TRIP11: variants seen among roughly 807,000 people sequenced by gnomAD.
The protein encoded by TRIP11 is thyroid receptor-interacting protein 11.
TRIP11 carries 148 observed loss-of-function variants against 223.1 expected under a neutral mutation model. The ratio of observed to expected loss-of-function variants is 0.66; its 90% CI spans 0.58 to 0.76. The LOEUF (loss-of-function observed/expected upper bound fraction) is 0.76. Among genes scored for constraint, TRIP11 ranks in the 30% least tolerant of loss-of-function variants. TRIP11 has a pLI of 0.00. For missense variants in TRIP11, 2,043 were observed against 2,222.0 expected (o/e 0.92, Z 1.62); for synonymous variants, 762 against 772.6 (o/e 0.99, Z 0.23).
chr14:91,966,735 T>A lies in TRIP11; in HGVS notation c.*2938A>T, dbSNP rs1399883727. On this transcript the variant is annotated 3_prime_UTR_variant, in exon 21 of 21. Transcript: ENST00000267622. ...ATGACAGGAATGAAAATTCAAACAA[T>A]TTGATCCAGTATTATGCTAAAATTA... The A allele has an allele frequency of 4.8e-6, 1 of 209,824 alleles. No individual in the cohort carries two copies. The highest frequency in any genetic ancestry group is 9.7e-6 in the Non-Finnish European group (1 of 103,496). The allele number at this position is 209,824 out of a possible 1,614,324, so 13.0% of individuals were successfully genotyped here.
intron 3 of TRIP11, among the ~76,000 whole-genome samples, chr14:92,024,459 T>C (rs1038835533): frequency 1.3e-5 from 2 of 152,182 alleles, no homozygotes; most frequent in Admixed American, 6.5e-5. Context: ...TGTATTGTAT[T>C]TTATGAAATT....
chr14:92,020,543 G>A (rs542919730), intron 4 of TRIP11, among the ~76,000 whole-genome samples: 70 of 152,102 alleles, frequency 4.6e-4, no homozygotes, highest in African/African-American at 1.3e-3. Context: ...CTAAGCAAGC[G>A]GTTTCAAACA....
At chr14:91,974,334 A>G (rs974758674) in intron 19 of TRIP11, among the ~76,000 whole-genome samples, 23 of 152,216 alleles carry the variant, frequency 1.5e-4, no homozygotes, top group Non-Finnish European at 2.8e-4. Context: ...TCTTGCTACT[A>G]TAATTTAGTA....
intron 19 of TRIP11, among the ~76,000 whole-genome samples, chr14:91,973,742 A>G (rs1244978773): frequency 6.6e-6 from 1 of 152,098 alleles, no homozygotes; most frequent in African/African-American, 2.4e-5. Context: ...AAAAACTAAG[A>G]GAGGCCGGGC....
chr14:91,976,754 T>C (rs939165272), intron 16 of TRIP11, among the ~76,000 whole-genome samples: 3 of 152,154 alleles, frequency 2.0e-5, no homozygotes, highest in African/African-American at 7.2e-5. Context: ...CAAGATACTA[T>C]AGCTTATGAC....
At chr14:92,006,746 A>G (rs1202819389) in intron 10 of TRIP11, among the ~76,000 whole-genome samples, 1 of 151,378 alleles carries the variant, frequency 6.6e-6, no homozygotes, top group Non-Finnish European at 1.5e-5. Flanking sequence ...CTCCGCCTCC[A>G]CCTCTTGAAC....
intron 2 of TRIP11, among the ~76,000 whole-genome samples, chr14:92,027,110 CT>C (rs1273990851): frequency 6.6e-6 from 1 of 151,740 alleles, no homozygotes; most frequent in Non-Finnish European, 1.5e-5. Flanking sequence ...CAAGGCCCTG[CT>C]TTTTTTCTTA....
rs996266340 is a variant in TRIP11 at position 91,968,870 on chromosome 14, G to A, written c.*803C>T. The A allele has an allele frequency of 2.6e-5, 6 of 232,938 alleles. No homozygotes were observed. The highest frequency in any genetic ancestry group is 1.3e-4 in the African/African-American group (6 of 45,252). The allele number at this position is 232,938 out of a possible 1,614,324, so 14.4% of individuals were successfully genotyped here. On this transcript the variant is annotated 3_prime_UTR_variant, in exon 21 of 21. Coordinates refer to ENST00000267622, the MANE Select transcript of TRIP11 (RefSeq NM_004239.4). ...ATTAAGGAGAGGGCCAGGGAGAGAG[G>A]TGGCAATGATTATGAGAGGGCAACA...
At chr14:91,984,005 A>G (rs1442265156) in intron 16 of TRIP11, among the ~76,000 whole-genome samples, 1 of 152,162 alleles carries the variant, frequency 6.6e-6, no homozygotes, top group Non-Finnish European at 1.5e-5. Flanking sequence ...GACTCATTTT[A>G]TACATTCTTC....
intron 13 of TRIP11, 89 bp from the exon 14 acceptor site, chr14:91,995,604 T>C (rs1005670623): frequency 2.3e-6 from 3 of 1,312,450 alleles, no homozygotes; most frequent in Non-Finnish European, 3.1e-6. Flanking sequence ...CTTATTACTT[T>C]ATTTTATTTT....
intron 4 of TRIP11, among the ~76,000 whole-genome samples, chr14:92,021,166 G>A (rs754230028): frequency 8.6e-5 from 13 of 151,674 alleles, no homozygotes; most frequent in Non-Finnish European, 1.8e-4. Flanking sequence ...GCCGAGGTGG[G>A]CAGATCACCT....
chr14:91,987,302 T>G lies in TRIP11; in HGVS notation c.5260+982A>C, dbSNP rs534082413. On this transcript the variant is annotated intron_variant, in intron 16 of 20. Coordinates refer to ENST00000267622, the MANE Select transcript of TRIP11 (RefSeq NM_004239.4). Reference sequence around the variant, plus strand: ...CAATTACTTCACATCTATCTTTTTTTCTCTGTATTCCTAAAAATCTCCCCT... The same window carrying G: ...CAATTACTTCACATCTATCTTTTTTGCTCTGTATTCCTAAAAATCTCCCCT... 2.0e-5 allele frequency among the ~76,000 whole-genome samples: 3 copies of G among 152,190 alleles called. No individual in the cohort carries two copies. The South Asian group carries it at 6.2e-4, about 32-fold the overall frequency.
chr14:92,008,595 T>C (rs1332464155), intron 9 of TRIP11, among the ~76,000 whole-genome samples: 1 of 152,240 alleles, frequency 6.6e-6, no homozygotes, highest in Non-Finnish European at 1.5e-5. Flanking sequence ...TTCTCTATGC[T>C]TCAACATTAT....
Position 92,004,469 on chromosome 14 carries a change from T to G in TRIP11, c.3507A>C (p.Lys1169Asn). ...IQNLSRIIRE[K>N]DIEIDALSQK... ...GACTTAGTGCATCTATTTCGATGTC[T>G]TTTTCTCGAATGATACGTGATAAAT... is the stretch of plus-strand genomic sequence containing the variant. The change falls in exon 11 of 21, where the codon AAA becomes AAC. Residue 1169 changes from lysine (K) to asparagine (N), a missense_variant. Lys to Asn is a moderately conservative substitution (Grantham distance 94). Transcript: ENST00000267622. 1 of 1,613,592 alleles carries G rather than the reference T, an allele frequency of 6.2e-7. No individual in the cohort carries two copies.
In TRIP11 at chr14:92,021,388, CAA is replaced by C. The variant is rs35038594; in HGVS notation, c.588+166_588+167del. Among the ~76,000 whole-genome samples the C allele has an allele frequency of 0.047, 5,137 of 109,462 alleles. 217 individuals are homozygous for C. The highest frequency in any genetic ancestry group is 0.13 in the African/African-American group (4,435 of 32,976). 71.8% of individuals were successfully genotyped at this position (109,462 alleles called of 152,430 possible). Reference sequence around the variant, plus strand: ...TGGGAGACAGAGCAAGATTCTGTCTCAAAAAAAAAAAAAAAAAGAAAGAAAGT... The same window carrying C: ...TGGGAGACAGAGCAAGATTCTGTCTCAAAAAAAAAAAAAAAGAAAGAAAGT... On this transcript the variant is annotated intron_variant, in intron 4 of 20. Transcript: ENST00000267622.
chr14:92,005,777 C>T lies in TRIP11; in HGVS notation c.2199G>A (p.Leu733=). 1 of 1,614,012 alleles carries T rather than the reference C, an allele frequency of 6.2e-7. No homozygotes were observed. Among genetic ancestry groups the T allele is most frequent in the Non-Finnish European group, 8.5e-7 (1 of 1,180,002 alleles). Residue 733 remains leucine (L), a synonymous_variant, in exon 11 of 21, where the codon TTG becomes TTA. Transcript: ENST00000267622. ...AELCWAKKRL[L]EEANKYEKTI... is the part of the protein sequence containing the mutation. Reference sequence around the variant, plus strand: ...TTTTCTCATACTTGTTTGCTTCTTCCAACAGCCTCTTTTTAGCCCAACACA... The same window carrying T: ...TTTTCTCATACTTGTTTGCTTCTTCTAACAGCCTCTTTTTAGCCCAACACA...
intron 13 of TRIP11, among the ~76,000 whole-genome samples, chr14:91,997,349 G>A (rs1297551419): frequency 2.6e-5 from 4 of 152,118 alleles, no homozygotes; most frequent in Non-Finnish European, 1.5e-5. Context: ...AAATGAATGA[G>A]CCCATTCCTA....
At chr14:92,007,180 A>G (rs1386918417) in intron 10 of TRIP11, among the ~76,000 whole-genome samples, 1 of 151,584 alleles carries the variant, frequency 6.6e-6, no homozygotes, top group Admixed American at 6.6e-5. Context: ...ACCTGCCACC[A>G]CGGCCGGCTA....
chr14:91,990,074 T>C (rs1253230034), intron 15 of TRIP11, among the ~76,000 whole-genome samples: 1 of 152,160 alleles, frequency 6.6e-6, no homozygotes, highest in Non-Finnish European at 1.5e-5. Flanking sequence ...TTGTAATAAA[T>C]TGCATGTGTG....
Sources: allele counts gnomAD v4.1 joint callset (sites outside exome capture counted in the v4.1 genomes callset), GRCh38; gene constraint gnomAD v4.1.1; transcripts MANE v1.5; gene names NCBI Gene and HGNC (gene_info 2026-07-23, HGNC 2026-07-21).